Variants in FAM107B observed in about 807,000 individuals in gnomAD.
FAM107B encodes family with sequence similarity 107 member B.
In FAM107B, 21 loss-of-function variants were observed where a neutral mutation model predicts 31.5. That is an observed-to-expected ratio of 0.67 (90% CI 0.47 to 0.96). FAM107B has a LOEUF of 0.96. Ranked by LOEUF, FAM107B falls within the 40% of genes least tolerant of loss-of-function variation. The probability of loss-of-function intolerance (pLI) is 0.00; values close to 1 mark genes in which losing one functional copy is unlikely to be tolerated. For missense variants in FAM107B, 452 were observed against 377.1 expected (o/e 1.20, Z -1.64); for synonymous variants, 157 against 141.5 (o/e 1.11, Z -0.78).
In FAM107B at chr10:14,534,269, C is replaced by T. The variant is rs115981899; in HGVS notation, c.470-3754G>A. ...GGTCATTTAGTAACAAGGGGGTGAA[C>T]GGGCCGGAGCAACCCCCTCCTTGAG... is the stretch of plus-strand genomic sequence containing the variant. On this transcript the variant is annotated intron_variant, in intron 2 of 4. Transcript: ENST00000181796. Among the ~76,000 whole-genome samples, 272 of 152,140 alleles carry T rather than the reference C, an allele frequency of 1.8e-3. 1 individual carries two copies. The highest frequency in any genetic ancestry group is 6.1e-3 in the African/African-American group (254 of 41,484).
chr10:14,599,760 A>T (rs1452248341), intron 2 of FAM107B, among the ~76,000 whole-genome samples: 1 of 146,078 alleles, frequency 6.8e-6, no homozygotes, highest in Non-Finnish European at 1.5e-5. Flanking sequence ...GAACATACAC[A>T]CTCAACACAA....
intron 2 of FAM107B, among the ~76,000 whole-genome samples, chr10:14,643,809 A>C (rs1424471320): frequency 6.6e-6 from 1 of 152,152 alleles, no homozygotes; most frequent in Non-Finnish European, 1.5e-5. Context: ...ATGTCTTGGC[A>C]CCTCAAGGCC....
At position 14,566,671 on chromosome 10, in the gene FAM107B, T is replaced by C. The variant is rs186986048; in HGVS notation, c.470-36156A>G. ...TGTGCAATCATTTGCTGTGTAGCAG[T>C]AGGTAATAGTACAAGGCAGAAAGTA... On this transcript the variant is annotated intron_variant, in intron 2 of 4. Transcript: ENST00000181796. Among the ~76,000 whole-genome samples the C allele has an allele frequency of 2.0e-4, 31 of 152,288 alleles. No homozygotes were observed. In the East Asian group the frequency reaches 2.1e-3, roughly 10 times the overall value.
At chr10:14,547,222 T>G (rs1252408474) in intron 2 of FAM107B, among the ~76,000 whole-genome samples, 1 of 152,204 alleles carries the variant, frequency 6.6e-6, no homozygotes, top group African/African-American at 2.4e-5. Context: ...GGGTTTTGGC[T>G]GATGAGATTC....
Position 14,619,117 on chromosome 10 carries a change from C to A in FAM107B, c.469+48517G>T, listed in dbSNP as rs187484443. 5.3e-5 allele frequency among the ~76,000 whole-genome samples: 8 copies of A among 152,294 alleles called. 1 individual carries two copies. In the East Asian group the frequency reaches 1.5e-3, roughly 29 times the overall value. ...GAGCTTCAGAGGGATTTAGAGGGAGCACCGCCTGTAGATCCCTTCATCCAA... is the reference window on the plus strand; with the variant it reads ...GAGCTTCAGAGGGATTTAGAGGGAGAACCGCCTGTAGATCCCTTCATCCAA... On this transcript the variant is annotated intron_variant, in intron 2 of 4. Coordinates refer to ENST00000181796, the MANE Select transcript of FAM107B (RefSeq NM_031453.4).
intron 2 of FAM107B, among the ~76,000 whole-genome samples, chr10:14,576,267 G>A (rs1851461922): frequency 6.6e-6 from 1 of 152,246 alleles, no homozygotes; most frequent in East Asian, 1.9e-4. Context: ...AGTGGCTCAC[G>A]CCTGCAATCC....
chr10:14,710,558 G>T (rs1855622799), intron 1 of FAM107B, among the ~76,000 whole-genome samples: 1 of 151,556 alleles, frequency 6.6e-6, no homozygotes, highest in Non-Finnish European at 1.5e-5. Flanking sequence ...TGACATTTTG[G>T]TCAATAATGG....
rs1282386261 is a variant in FAM107B at position 14,774,254 on chromosome 10, T to C, written c.410A>G (p.Lys137Arg). The C allele has an allele frequency of 1.2e-6, 2 of 1,606,894 alleles. No individual in the cohort carries two copies. The highest frequency in any genetic ancestry group is 2.7e-5 in the African/African-American group (2 of 74,858). The change falls in exon 1 of 5, where the codon AAG (lysine) becomes AGG (arginine). Residue 137 changes from lysine to arginine, a missense_variant and splice_region_variant. Transcript: ENST00000181796. Reference protein sequence around the residue: ...IPRPSIIDTPKEEEFREEPKC... With the variant: ...IPRPSIIDTPREEEFREEPKC... ...ATCGCAGAGCGAACACTCACTCACCTTGGGCGTGTCAATAATTGATGGTCT... is the reference window on the plus strand; with the variant it reads ...ATCGCAGAGCGAACACTCACTCACCCTGGGCGTGTCAATAATTGATGGTCT...
At chr10:14,718,271 G>A (rs1340639088) in intron 1 of FAM107B, among the ~76,000 whole-genome samples, 1 of 152,010 alleles carries the variant, frequency 6.6e-6, no homozygotes, top group African/African-American at 2.4e-5. Context: ...AGGTTGCAGT[G>A]AGCCAAGATT....
intron 1 of FAM107B, among the ~76,000 whole-genome samples, chr10:14,758,167 G>A (rs904226519): frequency 7.2e-5 from 11 of 152,164 alleles, no homozygotes; most frequent in African/African-American, 1.9e-4. Context: ...AATACGTCAT[G>A]GAAACTTCCT....
intron 1 of FAM107B, among the ~76,000 whole-genome samples, chr10:14,762,952 T>C (rs1265174595): frequency 6.6e-6 from 1 of 152,138 alleles, no homozygotes; most frequent in Non-Finnish European, 1.5e-5. Flanking sequence ...AATTTATTCA[T>C]GCAATGAGCT....
intron 2 of FAM107B, among the ~76,000 whole-genome samples, chr10:14,536,520 C>T (rs1348985294): frequency 6.6e-6 from 1 of 152,224 alleles, no homozygotes; most frequent in Non-Finnish European, 1.5e-5. Context: ...AAGCCTCTCT[C>T]TCAGCACCCA....
At chr10:14,695,739 TTATCA>T (rs1274257086) in intron 1 of FAM107B, among the ~76,000 whole-genome samples, 1 of 152,252 alleles carries the variant, frequency 6.6e-6, no homozygotes, top group Non-Finnish European at 1.5e-5. Flanking sequence ...TTTCTTGATG[TTATCA>T]TAGAAAAGAT....
chr10:14,528,068 G>A, intron 3 of FAM107B: 1 of 380,160 alleles, frequency 2.6e-6, no homozygotes, highest in Non-Finnish European at 5.1e-6. Flanking sequence ...AAAAGCAATA[G>A]GAAATTCCAG....
At chr10:14,646,001 T>A (rs1039340944) in intron 2 of FAM107B, among the ~76,000 whole-genome samples, 5 of 152,056 alleles carry the variant, frequency 3.3e-5, no homozygotes, top group African/African-American at 1.2e-4. Context: ...TCAGCTCTCC[T>A]CCCTCCTCTC....
chr10:14,601,102 T>A (rs139302078), intron 2 of FAM107B, among the ~76,000 whole-genome samples: 66 of 152,286 alleles, frequency 4.3e-4, no homozygotes, highest in Non-Finnish European at 8.1e-4. Flanking sequence ...TGCCTTATAG[T>A]CTTGTTAACA....
intron 2 of FAM107B, among the ~76,000 whole-genome samples, chr10:14,666,982 G>A (rs564281691): frequency 6.6e-6 from 1 of 152,146 alleles, no homozygotes; most frequent in East Asian, 1.9e-4. Context: ...TTCTAACACC[G>A]AATCACATAA....
intron 1 of FAM107B, among the ~76,000 whole-genome samples, chr10:14,727,103 A>G (rs551300853): frequency 1.3e-5 from 2 of 152,242 alleles, no homozygotes; most frequent in Non-Finnish European, 1.5e-5. Context: ...TTCTGTGAGT[A>G]TCTAATGCCA....
intron 2 of FAM107B, among the ~76,000 whole-genome samples, chr10:14,600,880 T>C (rs567091087): frequency 1.3e-5 from 2 of 152,080 alleles, no homozygotes; most frequent in Non-Finnish European, 2.9e-5. Context: ...GTCACAAGCA[T>C]TCCACCTGCC....
Sources: gnomAD v4.1 joint callset for allele counts (sites outside exome capture counted in the v4.1 genomes callset) on GRCh38, gnomAD v4.1.1 for gene constraint, MANE v1.5 for transcripts, NCBI Gene and HGNC (gene_info 2026-07-23, HGNC 2026-07-21) for gene names.